ROR2: variants seen among roughly 807,000 people sequenced by gnomAD.
The protein encoded by ROR2 is ROR family WNT receptor 2.
A neutral mutation model predicts 74.9 loss-of-function variants in ROR2; 33 were observed. The observed-to-expected ratio is 0.44, with a 90% CI of 0.33 to 0.59. The LOEUF (loss-of-function observed/expected upper bound fraction) is 0.59, where lower values mean the gene tolerates loss of function less well. Ranked by LOEUF, ROR2 falls within the 20% of genes least tolerant of loss-of-function variation. The pLI, the probability that ROR2 is intolerant of heterozygous loss-of-function variation, is 0.02. For synonymous variants in ROR2, 586 were observed against 558.7 expected (o/e 1.05, Z -0.69); for missense variants, 1,216 against 1,313.8 (o/e 0.93, Z 1.15).
chr9:91,760,992 G>C (rs529064303), intron 2 of ROR2, among the ~76,000 whole-genome samples: 1 of 152,232 alleles, frequency 6.6e-6, no homozygotes. Context: ...GAAACTATTA[G>C]ATAGCAATCA....
In ROR2 at chr9:91,835,672, G is replaced by A. The variant is rs138473923; in HGVS notation, c.98-59854C>T. Among the ~76,000 whole-genome samples, 126 of 152,298 alleles carry A rather than the reference G, an allele frequency of 8.3e-4. No individual in the cohort carries two copies. The Middle Eastern group carries it at 0.014, about 16-fold the overall frequency. On this transcript the variant is annotated intron_variant, in intron 1 of 8. Coordinates refer to ENST00000375708, the MANE Select transcript of ROR2 (RefSeq NM_004560.4). ...ATAAGACCTGTAAAATCATTAAAAT[G>A]AACTAAATCTCTCCAGGAAGACCAG... is the stretch of plus-strand genomic sequence containing the variant.
chr9:91,757,038 G>A (rs1825774525), intron 3 of ROR2, among the ~76,000 whole-genome samples: 1 of 152,032 alleles, frequency 6.6e-6, no homozygotes, highest in Admixed American at 6.5e-5. Context: ...CCAAAGTGCT[G>A]GAATTACAGG....
chr9:91,836,539 C>CAAAAAAAAAAAAAAAAAAAAAAAAAAAAA (rs753563302), intron 1 of ROR2, among the ~76,000 whole-genome samples: 8 of 102,458 alleles, frequency 7.8e-5, no homozygotes, highest in African/African-American at 2.6e-4. Context: ...GATTCCATCT[C>CAAAAAAAAAAAAAAAAAAAAAAAAAAAAA]AAAAAAAAAA....
At chr9:91,769,162 C>T (rs1452301471) in intron 2 of ROR2, among the ~76,000 whole-genome samples, 1 of 152,088 alleles carries the variant, frequency 6.6e-6, no homozygotes, top group African/African-American at 2.4e-5. Context: ...TCCTAGTGCT[C>T]GACAGCTGCT....
At chr9:91,902,985 CAG>C (rs1830713703) in intron 1 of ROR2, among the ~76,000 whole-genome samples, 1 of 151,928 alleles carries the variant, frequency 6.6e-6, no homozygotes, top group Non-Finnish European at 1.5e-5. Flanking sequence ...TTAATGGGTG[CAG>C]AGTTTCTGTC....
chr9:91,823,484 C>T (rs1828195973), intron 1 of ROR2, among the ~76,000 whole-genome samples: 1 of 150,448 alleles, frequency 6.6e-6, no homozygotes, highest in Admixed American at 6.6e-5. Flanking sequence ...CGCATGCCAC[C>T]ACGCCAGCTG....
chr9:91,836,804 C>T (rs1238062355), intron 1 of ROR2, among the ~76,000 whole-genome samples: 2 of 152,258 alleles, frequency 1.3e-5, no homozygotes, highest in Non-Finnish European at 2.9e-5. Context: ...TGGCAGCTCG[C>T]TCCTCCACCT....
intron 1 of ROR2, among the ~76,000 whole-genome samples, chr9:91,798,672 T>C (rs961743016): frequency 1.8e-4 from 27 of 150,626 alleles, no homozygotes; most frequent in African/African-American, 5.9e-4. Flanking sequence ...TGGGTGGGGC[T>C]GACACCCTGG....
chr9:91,896,441 A>G (rs1353889544), intron 1 of ROR2, among the ~76,000 whole-genome samples: 1 of 152,220 alleles, frequency 6.6e-6, no homozygotes, highest in East Asian at 1.9e-4. Context: ...ATCAGATTCC[A>G]GGTTTTTCCT....
In ROR2 at chr9:91,734,322, G is replaced by A. The variant is rs1180567863; in HGVS notation, c.623-886C>T. Reference sequence around the variant, plus strand: ...TACAACAATTGAGCTTGGGGACAGTGGAGGCAGACAGGCCCCTTTGCCTGC... The same window carrying A: ...TACAACAATTGAGCTTGGGGACAGTAGAGGCAGACAGGCCCCTTTGCCTGC... On this transcript the variant is annotated intron_variant, in intron 5 of 8. Transcript: ENST00000375708. Among the ~76,000 whole-genome samples the A allele has an allele frequency of 2.6e-5, 4 of 152,322 alleles. No homozygotes were observed. The East Asian group carries it at 7.7e-4, about 29-fold the overall frequency.
At chr9:91,731,302 T>A in intron 6 of ROR2, 147 bp from the exon 7 acceptor site, 1 of 1,156,662 alleles carries the variant, frequency 8.6e-7, no homozygotes, top group Non-Finnish European at 1.3e-6. Context: ...CTTAATGAAG[T>A]CCCAAGCCCA....
chr9:91,800,671 C>T (rs1213085514), intron 1 of ROR2, among the ~76,000 whole-genome samples: 8 of 152,188 alleles, frequency 5.3e-5, no homozygotes, highest in Admixed American at 5.2e-4. Context: ...CAGGAAGGGG[C>T]GAGGGACCAG....
intron 1 of ROR2, among the ~76,000 whole-genome samples, chr9:91,850,800 T>A (rs1829067004): frequency 6.6e-6 from 1 of 152,252 alleles, no homozygotes; most frequent in South Asian, 2.1e-4. Flanking sequence ...AATTGTCCTT[T>A]GCCCCTTCAA....
At chr9:91,910,655 A>T (rs900512997) in intron 1 of ROR2, among the ~76,000 whole-genome samples, 5 of 149,030 alleles carry the variant, frequency 3.4e-5, no homozygotes, top group Non-Finnish European at 7.4e-5. Flanking sequence ...TTAAATACAT[A>T]AAATATGTAA....
At chr9:91,745,589 C>G (rs1825386618) in intron 4 of ROR2, among the ~76,000 whole-genome samples, 1 of 151,754 alleles carries the variant, frequency 6.6e-6, no homozygotes. Context: ...CCACACCTGG[C>G]TAATTTTTCT....
At chr9:91,866,144 G>A (rs1829625029) in intron 1 of ROR2, among the ~76,000 whole-genome samples, 1 of 152,044 alleles carries the variant, frequency 6.6e-6, no homozygotes, top group Non-Finnish European at 1.5e-5. Flanking sequence ...TTTTAAGATG[G>A]AGTCTCGCTC....
intron 1 of ROR2, among the ~76,000 whole-genome samples, chr9:91,875,917 C>A (rs548033023): frequency 6.8e-4 from 103 of 152,140 alleles, no homozygotes; most frequent in Non-Finnish European, 1.1e-3. Flanking sequence ...GGTGGGGTAA[C>A]AAACAATGAG....
At chr9:91,778,124 C>A (rs1826481621) in intron 1 of ROR2, among the ~76,000 whole-genome samples, 1 of 152,350 alleles carries the variant, frequency 6.6e-6, no homozygotes, top group African/African-American at 2.4e-5. Flanking sequence ...AGGAGACCTG[C>A]ACATGCCCTC....
intron 1 of ROR2, among the ~76,000 whole-genome samples, chr9:91,850,642 C>A (rs960515412): frequency 1.3e-5 from 2 of 152,196 alleles, no homozygotes; most frequent in African/African-American, 2.4e-5. Flanking sequence ...TTCTGGCCTG[C>A]AGAACTGTAA....
Sources: gnomAD v4.1 joint callset for allele counts (sites outside exome capture counted in the v4.1 genomes callset) on GRCh38, gnomAD v4.1.1 for gene constraint, MANE v1.5 for transcripts, NCBI Gene and HGNC (gene_info 2026-07-23, HGNC 2026-07-21) for gene names.